Variants in TRAPPC3L observed in about 807,000 individuals in gnomAD.
TRAPPC3L encodes the protein trafficking protein particle complex subunit 3L.
A neutral mutation model predicts 23.7 loss-of-function variants in TRAPPC3L; 23 were observed. The observed-to-expected ratio is 0.97, with a 90% confidence interval of 0.70 to 1.37. The LOEUF (loss-of-function observed/expected upper bound fraction) is 1.37, where lower values mean the gene tolerates loss of function less well. Ranked by LOEUF, TRAPPC3L falls within the 40% of genes most tolerant of loss-of-function variation. TRAPPC3L has a pLI of 0.00. For synonymous variants in TRAPPC3L, 81 were observed against 77.9 expected, an observed-to-expected ratio of 1.04 and a Z score of -0.21; for missense variants, 212 against 216.8, an observed-to-expected ratio of 0.98 and a Z score of 0.14.
chr6:116,514,382 G>GTA (rs1772181821), intron 3 of TRAPPC3L, among the ~76,000 whole-genome samples: 1 of 152,184 alleles, frequency 6.6e-6, no homozygotes, highest in African/African-American at 2.4e-5. Context: ...TCACTTGATG[G>GTA]TAGTTGTGCC....
chr6:116,535,264 C>G (rs1176009841), intron 3 of TRAPPC3L, among the ~76,000 whole-genome samples: 1 of 152,190 alleles, frequency 6.6e-6, no homozygotes, highest in Non-Finnish European at 1.5e-5. Flanking sequence ...GTTTGGACAG[C>G]TTAAGCAACT....
chr6:116,500,405 T>A (rs1771893135), intron 4 of TRAPPC3L, 76 bp downstream of exon 4: 2 of 1,270,950 alleles, frequency 1.6e-6, no homozygotes, highest in Non-Finnish European at 2.2e-6. Flanking sequence ...AAATGAATTA[T>A]GTATATTGGT....
intron 1 of TRAPPC3L, 33 bp from the exon 2 acceptor site, chr6:116,543,433 C>A: frequency 1.3e-6 from 2 of 1,481,484 alleles, no homozygotes; most frequent in Non-Finnish European, 1.8e-6. Flanking sequence ...TGGTTATAGG[C>A]AAGTTATGAC....
rs11755260 is a variant in TRAPPC3L, at chr6:116,538,789, T to C, written c.240+1574A>G. Among the ~76,000 whole-genome samples, 1,504 of 151,934 alleles carry C rather than the reference T, an allele frequency of 9.9e-3. 10 individuals are homozygous for C. The highest frequency in any genetic ancestry group is 0.016 in the Non-Finnish European group (1,071 of 67,942). On this transcript the variant is annotated intron_variant, in intron 3 of 4. Transcript: ENST00000368602. ...CTCTGTCACCCAGGCTGGAGTGCAG[T>C]TGCATGATCTTGACTCACTGTAACC...
chr6:116,507,328 C>T (rs1772023028), intron 3 of TRAPPC3L, among the ~76,000 whole-genome samples: 1 of 152,064 alleles, frequency 6.6e-6, no homozygotes. Flanking sequence ...CCCAAGAATA[C>T]ATTTTGGGAA....
chr6:116,543,273 A>G, intron 2 of TRAPPC3L, 30 bp downstream of exon 2: 1 of 1,498,448 alleles, frequency 6.7e-7, no homozygotes, highest in Non-Finnish European at 9.0e-7. Flanking sequence ...AACAACAGCC[A>G]TTCAATAAGA....
intron 4 of TRAPPC3L, among the ~76,000 whole-genome samples, chr6:116,500,264 C>G (rs1039657224): frequency 1.3e-5 from 2 of 152,204 alleles, no homozygotes; most frequent in African/African-American, 4.8e-5. Flanking sequence ...TGAATGACAA[C>G]CACTTAGCTA....
chr6:116,516,243 A>C (rs1772222528), intron 3 of TRAPPC3L: 1 of 358,886 alleles, frequency 2.8e-6, no homozygotes, highest in Admixed American at 4.4e-5. Flanking sequence ...TTGCTCCAAG[A>C]TCTAAGATTT....
intron 3 of TRAPPC3L, among the ~76,000 whole-genome samples, chr6:116,536,147 A>G (rs1261273556): frequency 6.6e-6 from 1 of 152,250 alleles, no homozygotes; most frequent in Admixed American, 6.5e-5. Flanking sequence ...TAACTACTAC[A>G]AAAAGTTAAG....
intron 3 of TRAPPC3L, among the ~76,000 whole-genome samples, chr6:116,535,541 C>T (rs965601714): frequency 6.6e-6 from 1 of 152,138 alleles, no homozygotes; most frequent in African/African-American, 2.4e-5. Flanking sequence ...GTTTGGAAAC[C>T]CTAAAATATA....
At chr6:116,506,618 C>G (rs763360188) in intron 3 of TRAPPC3L, among the ~76,000 whole-genome samples, 2 of 152,066 alleles carry the variant, frequency 1.3e-5, no homozygotes, top group Non-Finnish European at 2.9e-5. Flanking sequence ...CCAACCCAAA[C>G]GTCCATCAAT....
chr6:116,515,941 G>A, intron 3 of TRAPPC3L: 1 of 1,612,652 alleles, frequency 6.2e-7, no homozygotes, highest in South Asian at 1.1e-5. Flanking sequence ...TTAGCCCTGA[G>A]GATGATGAGA....
intron 3 of TRAPPC3L, among the ~76,000 whole-genome samples, chr6:116,539,576 A>C (rs753585842): frequency 1.3e-5 from 2 of 152,194 alleles, no homozygotes; most frequent in African/African-American, 2.4e-5. Context: ...TGACAGTGAA[A>C]GACAAAGAGT....
At chr6:116,524,376 C>T (rs1326192696) in intron 3 of TRAPPC3L, 1 of 151,832 alleles carries the variant, frequency 6.6e-6, no homozygotes. Flanking sequence ...TCACCCCCTG[C>T]TTAGCTGGAG....
chr6:116,533,334 A>C (rs1772857543), intron 3 of TRAPPC3L, among the ~76,000 whole-genome samples: 1 of 152,238 alleles, frequency 6.6e-6, no homozygotes, highest in African/African-American at 2.4e-5. Context: ...ATTTAACAAA[A>C]AGTCTTTATT....
At chr6:116,543,789 T>G (rs773663930) in intron 1 of TRAPPC3L, 239 of 1,528,722 alleles carry the variant, frequency 1.6e-4, no homozygotes, top group Admixed American at 1.4e-4. Context: ...TGGATAAGAC[T>G]TCTCAGGCGT....
chr6:116,511,649 C>A, intron 3 of TRAPPC3L: 1 of 1,566,818 alleles, frequency 6.4e-7, no homozygotes. Flanking sequence ...GCCACAGCTG[C>A]TCTGCCAATA....
intron 3 of TRAPPC3L, among the ~76,000 whole-genome samples, chr6:116,539,111 T>C (rs1773276839): frequency 6.6e-6 from 1 of 152,194 alleles, no homozygotes; most frequent in African/African-American, 2.4e-5. Flanking sequence ...CAACTAGAAA[T>C]GCAACAAAAC....
chr6:116,497,144 T>C, intron 4 of TRAPPC3L, 71 bp from the exon 5 acceptor site: 1 of 1,485,344 alleles, frequency 6.7e-7, no homozygotes, highest in Non-Finnish European at 8.9e-7. Context: ...TCTCAGTCTT[T>C]TTTCAGCTTT....
Sources: allele counts gnomAD v4.1 joint callset (sites outside exome capture counted in the v4.1 genomes callset), GRCh38; gene constraint gnomAD v4.1.1; transcripts MANE v1.5; gene names NCBI Gene and HGNC (gene_info 2026-07-23, HGNC 2026-07-21).